The following CD226 variants were observed in gnomAD, a reference collection of about 807,000 sequenced individuals.
CD226 encodes the protein CD226 molecule, also known as CD226 antigen.
CD226 carries 24 observed loss-of-function variants against 34.9 expected under a neutral mutation model. That is an observed-to-expected ratio of 0.69 (90% CI 0.50 to 0.97). The LOEUF (loss-of-function observed/expected upper bound fraction) is 0.97, where lower values mean the gene tolerates loss of function less well. Ranked by LOEUF, CD226 falls within the 50% of genes least tolerant of loss-of-function variation. CD226 has a pLI of 0.00. For synonymous variants in CD226, 148 were observed against 147.4 expected (o/e 1.00, Z -0.03); for missense variants, 397 against 412.7 (o/e 0.96, Z 0.33).
At chr18:69,923,953 C>CA (rs558900004) in intron 2 of CD226, among the ~76,000 whole-genome samples, 4,916 of 74,334 alleles carry the variant, frequency 0.066, 223 homozygotes, top group African/African-American at 0.18. Context: ...GACTCCGTCT[C>CA]AAAAAAAAAA....
intron 2 of CD226, chr18:69,896,247 T>C (rs1298867471): frequency 1.4e-6 from 1 of 712,364 alleles, no homozygotes; most frequent in African/African-American, 1.9e-5. Flanking sequence ...AGTGGTGTGA[T>C]CTCGGCTCAA....
rs1407702295 is a variant in CD226, at chr18:69,861,114, ACTTT to A, written c.*3196_*3199del. The A allele has an allele frequency of 3.3e-5, 5 of 152,096 alleles. No homozygotes were observed. The highest frequency in any genetic ancestry group is 4.8e-5 in the African/African-American group (2 of 41,462). 9.4% of individuals were successfully genotyped at this position (152,096 alleles called of 1,614,324 possible). A position where few individuals can be genotyped will look rare whatever the true frequency, so the allele number is the denominator to read the frequency against. On this transcript the variant is annotated 3_prime_UTR_variant, in exon 6 of 6. Transcript: ENST00000582621. Reference sequence around the variant, plus strand: ...ATGCCTACTAAAAGTATTTTTACTTACTTTGTCTTTTAAATTGATAACCCATGTA... The same window carrying A: ...ATGCCTACTAAAAGTATTTTTACTTAGTCTTTTAAATTGATAACCCATGTA...
chr18:69,861,138 C>T lies in CD226; in HGVS notation c.*3176G>A, dbSNP rs1050265209. ...TACTTTGTCTTTTAAATTGATAACC[C>T]ATGTATTTTAAGTTTATATATATAG... is the stretch of plus-strand genomic sequence containing the variant. On this transcript the variant is annotated 3_prime_UTR_variant, in exon 6 of 6. Coordinates refer to ENST00000582621, the MANE Select transcript of CD226 (RefSeq NM_001303618.2). The T allele has an allele frequency of 6.6e-6, 1 of 151,910 alleles. No individual in the cohort carries two copies. The highest frequency in any genetic ancestry group is 6.6e-5 in the Admixed American group (1 of 15,254). The allele number at this position is 151,910 out of a possible 1,614,324, so 9.4% of individuals were successfully genotyped here. A position where few individuals can be genotyped will look rare whatever the true frequency, so the allele number is the denominator to read the frequency against.
chr18:69,958,274 C>T (rs1260326516), upstream of CD226, among the ~76,000 whole-genome samples: 1 of 152,168 alleles, frequency 6.6e-6, no homozygotes, highest in East Asian at 1.9e-4. Context: ...TGCACAGGGC[C>T]CTTGACCATG....
rs34896747 is a variant in CD226, at chr18:69,880,357, A to AAGGAAGGAAGGAAGG, written c.728-7112_728-7111insCCTTCCTTCCTTCCT. Among the ~76,000 whole-genome samples the AAGGAAGGAAGGAAGG allele has an allele frequency of 9.8e-3, 880 of 89,608 alleles. 12 individuals are homozygous for AAGGAAGGAAGGAAGG. Among genetic ancestry groups the AAGGAAGGAAGGAAGG allele is most frequent in the Admixed American group, 0.061 (452 of 7,362 alleles). The allele number at this position is 89,608 out of a possible 152,430, so 58.8% of individuals were successfully genotyped here. A position where few individuals can be genotyped will look rare whatever the true frequency, so the allele number is the denominator to read the frequency against. On this transcript the variant is annotated intron_variant, in intron 3 of 5. Coordinates refer to ENST00000582621, the MANE Select transcript of CD226 (RefSeq NM_001303618.2). ...GAAAGAAAGAAAGAAAGAAAGAAAG[A>AAGGAAGGAAGGAAGG]AAGGAAGGAAGGAAGGAAGGAAGGG...
In CD226 at chr18:69,859,033, A is replaced by T. The variant is rs1007793078; in HGVS notation, c.*5281T>A. On this transcript the variant is annotated 3_prime_UTR_variant, in exon 6 of 6. Coordinates refer to ENST00000582621, the MANE Select transcript of CD226 (RefSeq NM_001303618.2). ...CAACCAATACCCCCAACTTTTACAGACACAAAAGCAAACATAATAGACTTA... is the reference window on the plus strand; with the variant it reads ...CAACCAATACCCCCAACTTTTACAGTCACAAAAGCAAACATAATAGACTTA... 6.6e-6 allele frequency: 1 copy of T among 151,912 alleles called. No homozygotes were observed. Among genetic ancestry groups the T allele is most frequent in the Non-Finnish European group, 1.5e-5 (1 of 67,968 alleles). The allele number at this position is 151,912 out of a possible 1,614,324, so 9.4% of individuals were successfully genotyped here. A position where few individuals can be genotyped will look rare whatever the true frequency, so the allele number is the denominator to read the frequency against.
intron 4 of CD226, among the ~76,000 whole-genome samples, chr18:69,872,570 T>A (rs546213601): frequency 2.6e-5 from 4 of 152,046 alleles, no homozygotes; most frequent in Non-Finnish European, 5.9e-5. Context: ...TTAAAAAAAA[T>A]TTAGTATAGG....
chr18:69,956,146 G>A (rs1294051759), intron 1 of CD226, among the ~76,000 whole-genome samples: 2 of 152,200 alleles, frequency 1.3e-5, no homozygotes, highest in Non-Finnish European at 2.9e-5. Flanking sequence ...TGAGGGCTGG[G>A]CGCAGCCCAC....
At chr18:69,936,635 T>C (rs940382101) in intron 2 of CD226, among the ~76,000 whole-genome samples, 2 of 152,174 alleles carry the variant, frequency 1.3e-5, no homozygotes, top group African/African-American at 4.8e-5. Flanking sequence ...TGTGTGTGCA[T>C]GCATACACAC....
At chr18:69,958,872 T>C (rs1022723389), upstream of CD226, among the ~76,000 whole-genome samples, 2 of 152,116 alleles carry the variant, frequency 1.3e-5, no homozygotes, top group East Asian at 3.8e-4. Context: ...GCTATTTTGT[T>C]TTTTATTTTT....
chr18:69,946,254 GAA>G (rs2055790898), intron 2 of CD226, among the ~76,000 whole-genome samples: 2 of 139,466 alleles, frequency 1.4e-5, no homozygotes, highest in Admixed American at 7.1e-5. Flanking sequence ...AGAAAAGAAA[GAA>G]AGAGAGAGAG....
At chr18:69,867,699 T>C (rs1983238922) in intron 4 of CD226, among the ~76,000 whole-genome samples, 1 of 152,222 alleles carries the variant, frequency 6.6e-6, no homozygotes, top group African/African-American at 2.4e-5. Context: ...AGTGACTTAT[T>C]ACATAAATGA....
chr18:69,959,409 T>C (rs901818886), upstream of CD226, among the ~76,000 whole-genome samples: 2 of 152,178 alleles, frequency 1.3e-5, no homozygotes, highest in Non-Finnish European at 2.9e-5. Context: ...ACCTTACCAG[T>C]TGCTGACAGA....
intron 3 of CD226, 149 bp downstream of exon 3, chr18:69,895,552 A>T: frequency 1.5e-6 from 1 of 660,020 alleles, no homozygotes; most frequent in East Asian, 2.5e-5. Context: ...ATACTAGAAT[A>T]ATGGCCAACT....
upstream of CD226, among the ~76,000 whole-genome samples, chr18:69,948,775 T>C (rs1253673451): frequency 6.6e-6 from 1 of 152,314 alleles, no homozygotes; most frequent in Non-Finnish European, 1.5e-5. Flanking sequence ...TTCCTCCAAA[T>C]TGTACTGAGT....
At chr18:69,919,920 C>T (rs2055431420) in intron 2 of CD226, among the ~76,000 whole-genome samples, 2 of 151,064 alleles carry the variant, frequency 1.3e-5, no homozygotes, top group South Asian at 4.2e-4. Flanking sequence ...CTCTATTGCC[C>T]ATGAGCAATC....
Position 69,946,914 on chromosome 18 carries a change from C to T in CD226, c.202G>A (p.Gly68Ser). The T allele has an allele frequency of 1.2e-6, 2 of 1,614,080 alleles. No individual in the cohort carries two copies. Among genetic ancestry groups the T allele is most frequent in the Non-Finnish European group, 1.7e-6 (2 of 1,180,006 alleles). The change falls in exon 2 of 6, where the codon GGC becomes AGC. Residue 68 changes from glycine to serine, a missense_variant. Gly to Ser is a moderately conservative substitution (Grantham distance 56, BLOSUM62 0). Transcript: ENST00000582621. ...DSIAIFSPTH[G>S]MVIRKPYAER... ...GCATAGGGCTTCCTTATGACCATGC[C>T]ATGAGTAGGGCTGAAAATGGCTATG...
intron 3 of CD226, among the ~76,000 whole-genome samples, chr18:69,892,737 G>T (rs1984979760): frequency 6.8e-6 from 1 of 146,740 alleles, no homozygotes; most frequent in Admixed American, 6.7e-5. Context: ...AGGAGTCAGG[G>T]GAAGAGCCCC....
chr18:69,957,350 C>CTTT (rs11373057), upstream of CD226, among the ~76,000 whole-genome samples: 2 of 149,458 alleles, frequency 1.3e-5, no homozygotes, highest in Non-Finnish European at 1.5e-5. Context: ...TCTAGATACT[C>CTTT]TTTTTTTTTT....
Sources: allele counts gnomAD v4.1 joint callset (sites outside exome capture counted in the v4.1 genomes callset), GRCh38; gene constraint gnomAD v4.1.1; transcripts MANE v1.5; gene names NCBI Gene and HGNC (gene_info 2026-07-23, HGNC 2026-07-21).